CNTNAP2: variants seen among roughly 807,000 people sequenced by gnomAD.
The protein encoded by CNTNAP2 is contactin associated protein 2.
In CNTNAP2, 98 loss-of-function variants were observed where a neutral mutation model predicts 155.2. The ratio of observed to expected loss-of-function variants is 0.63; its 90% CI spans 0.54 to 0.75. The LOEUF is 0.75. Among genes scored for constraint, CNTNAP2 ranks in the 30% least tolerant of loss-of-function variants. The pLI is 0.00. For synonymous variants in CNTNAP2, 651 were observed against 631.2 expected (o/e 1.03, Z -0.47); for missense variants, 1,727 against 1,688.1 (o/e 1.02, Z -0.40).
chr7:147,993,061 T>C (rs1215794793), intron 15 of CNTNAP2, among the ~76,000 whole-genome samples: 2 of 152,210 alleles, frequency 1.3e-5, no homozygotes, highest in African/African-American at 2.4e-5. Context: ...GGTATTCTCA[T>C]TGACATAGCT....
intron 1 of CNTNAP2, among the ~76,000 whole-genome samples, chr7:146,510,219 G>A (rs1322798073): frequency 2.0e-5 from 3 of 152,150 alleles, no homozygotes; most frequent in African/African-American, 7.2e-5. Flanking sequence ...AGTAGTTCAA[G>A]GCCAGATATG....
At chr7:148,381,626 CA>C (rs1229587451) in intron 21 of CNTNAP2, 4 of 152,246 alleles carry the variant, frequency 2.6e-5, no homozygotes, top group African/African-American at 9.7e-5. Flanking sequence ...CACAGGATGT[CA>C]GGGGGCAGGC....
chr7:147,687,079 A>G (rs779554046), intron 13 of CNTNAP2, among the ~76,000 whole-genome samples: 3 of 152,222 alleles, frequency 2.0e-5, no homozygotes. Flanking sequence ...GATTAACCTG[A>G]TTTGACCTTT....
intron 15 of CNTNAP2, chr7:148,013,090 G>A (rs888131441): frequency 6.6e-6 from 1 of 152,156 alleles, no homozygotes; most frequent in African/African-American, 2.4e-5. Context: ...CTGAAATTAT[G>A]AGGAAAAGAT....
chr7:147,281,663 A>G (rs1805037929), intron 8 of CNTNAP2, among the ~76,000 whole-genome samples: 1 of 151,868 alleles, frequency 6.6e-6, no homozygotes, highest in South Asian at 2.1e-4. Flanking sequence ...GATATATTTA[A>G]GAGAAATATA....
rs150093366 is a variant in CNTNAP2, at chr7:147,240,220, G to A, written c.1349-59921G>A. ...CGCCTCTCGTTCCTGCTACTCAGGG[G>A]CCTGAGGCAGGAGGATAGCTTGAAC... On this transcript the variant is annotated intron_variant, in intron 8 of 23. Transcript: ENST00000361727. 3.4e-3 allele frequency among the ~76,000 whole-genome samples: 524 copies of A among 152,310 alleles called. 4 individuals are homozygous for A. Among genetic ancestry groups the A allele is most frequent in the African/African-American group, 0.012 (501 of 41,566 alleles).
chr7:146,548,105 C>G (rs1486092296), intron 1 of CNTNAP2, among the ~76,000 whole-genome samples: 1 of 151,868 alleles, frequency 6.6e-6, no homozygotes, highest in African/African-American at 2.4e-5. Context: ...CCCTGACTCT[C>G]CCTCCTCCCA....
chr7:147,128,949 G>A (rs1801295775), intron 7 of CNTNAP2, 113 bp downstream of exon 7: 10 of 1,396,270 alleles, frequency 7.2e-6, no homozygotes, highest in Non-Finnish European at 1.0e-5. Flanking sequence ...ATTTGTGTTT[G>A]GGCAAAATGA....
chr7:147,368,403 G>A (rs1796281228), intron 9 of CNTNAP2, among the ~76,000 whole-genome samples: 1 of 152,060 alleles, frequency 6.6e-6, no homozygotes, highest in Non-Finnish European at 1.5e-5. Flanking sequence ...GCAAACAGTG[G>A]CAAGCCTGGA....
intron 15 of CNTNAP2, among the ~76,000 whole-genome samples, chr7:148,064,790 G>A (rs908419267): frequency 2.0e-5 from 3 of 150,430 alleles, no homozygotes; most frequent in Non-Finnish European, 1.5e-5. Flanking sequence ...CAGTTTCATT[G>A]AGTTTTACTC....
At chr7:148,172,528 C>A in intron 18 of CNTNAP2, 50 bp downstream of exon 18, 1 of 1,437,736 alleles carries the variant, frequency 7.0e-7, no homozygotes, top group Non-Finnish European at 9.8e-7. Context: ...TTTTTAAGCC[C>A]AAATCATCTA....
chr7:147,906,481 ATTT>A (rs1268032998), intron 14 of CNTNAP2, among the ~76,000 whole-genome samples: 3 of 149,884 alleles, frequency 2.0e-5, no homozygotes, highest in Non-Finnish European at 4.4e-5. Flanking sequence ...ATAGATCTTT[ATTT>A]TTTTTATTTT....
At chr7:146,352,772 C>G (rs113780036) in intron 1 of CNTNAP2, among the ~76,000 whole-genome samples, 2 of 44,992 alleles carry the variant, frequency 4.4e-5, no homozygotes, top group Non-Finnish European at 8.5e-5. Flanking sequence ...TTTTTTTTTT[C>G]GAGACAGAGT....
At chr7:147,357,892 G>A (rs1030872185) in intron 9 of CNTNAP2, among the ~76,000 whole-genome samples, 1 of 152,156 alleles carries the variant, frequency 6.6e-6, no homozygotes, top group Non-Finnish European at 1.5e-5. Flanking sequence ...GTTGCCTGCT[G>A]TGTAAATGTT....
chr7:148,020,459 A>T (rs1802259741), intron 15 of CNTNAP2, among the ~76,000 whole-genome samples: 1 of 152,218 alleles, frequency 6.6e-6, no homozygotes, highest in Non-Finnish European at 1.5e-5. Context: ...GCAAGTTGTG[A>T]TTGGTGAAGA....
intron 10 of CNTNAP2, among the ~76,000 whole-genome samples, chr7:147,432,501 C>A (rs826645): frequency 6.6e-6 from 1 of 152,070 alleles, no homozygotes; most frequent in Non-Finnish European, 1.5e-5. Context: ...AATATCACTA[C>A]TTCCCACATT....
intron 15 of CNTNAP2, among the ~76,000 whole-genome samples, chr7:148,090,784 G>C (rs991987023): frequency 8.5e-5 from 13 of 152,220 alleles, no homozygotes; most frequent in Non-Finnish European, 1.2e-4. Context: ...ATGTAGAAGA[G>C]ATAAGTGCAC....
intron 13 of CNTNAP2, among the ~76,000 whole-genome samples, chr7:147,652,689 ATATTT>A (rs1795465658): frequency 6.6e-6 from 1 of 152,108 alleles, no homozygotes; most frequent in East Asian, 1.9e-4. Context: ...TAGACTCTAT[ATATTT>A]TCTACCTCAA....
At chr7:147,163,245 C>T (rs1802061214) in intron 8 of CNTNAP2, among the ~76,000 whole-genome samples, 1 of 152,110 alleles carries the variant, frequency 6.6e-6, no homozygotes, top group South Asian at 2.1e-4. Context: ...GATGGCTAGG[C>T]TGTGCATAAA....
Sources: allele counts gnomAD v4.1 joint callset (sites outside exome capture counted in the v4.1 genomes callset), GRCh38; gene constraint gnomAD v4.1.1; transcripts MANE v1.5; gene names NCBI Gene and HGNC (gene_info 2026-07-23, HGNC 2026-07-21).